Variants in VAV2 observed in about 807,000 individuals in gnomAD.
The protein encoded by VAV2 is vav guanine nucleotide exchange factor 2.
VAV2 carries 67 observed loss-of-function variants against 132.5 expected under a neutral mutation model. The observed-to-expected ratio is 0.51, with a 90% confidence interval of 0.42 to 0.62. VAV2 has a LOEUF of 0.62. VAV2 is among the 20% of genes least tolerant of loss of function. The pLI is 0.00. For synonymous variants in VAV2, 492 were observed against 443.5 expected (o/e 1.11, Z -1.37); for missense variants, 938 against 1,153.6 (o/e 0.81, Z 2.71).
rs142833769 is a variant in VAV2 at position 133,770,405 on chromosome 9, C to T, written c.2320G>A (p.Ala774Thr). The change falls in exon 27 of 30, where the codon GCC becomes ACC. Residue 774 changes from alanine to threonine, a missense_variant. By Grantham distance (58) the Ala-to-Thr change is moderately conservative (BLOSUM62 0). Transcript: ENST00000371850. ...GGGGACCGGCTGGAGGCCCTGGAGGCCGAACGTTCCCGGGACTTGTAGGGG... is the reference window on the plus strand; with the variant it reads ...GGGGACCGGCTGGAGGCCCTGGAGGTCGAACGTTCCCGGGACTTGTAGGGG... ...KYPYKSRERS[A>T]SRASSRSPAS... 6 of 1,613,958 alleles carry T rather than the reference C, an allele frequency of 3.7e-6. No homozygotes were observed. In the African/African-American group the frequency reaches 8.0e-5, roughly 22 times the overall value.
intron 1 of VAV2, among the ~76,000 whole-genome samples, chr9:133,953,986 G>A (rs1029761539): frequency 6.6e-6 from 1 of 151,958 alleles, no homozygotes; most frequent in Non-Finnish European, 1.5e-5. Context: ...CAGGCAGGTG[G>A]CTCCACATGT....
chr9:133,854,468 GC>G (rs1430775820), intron 3 of VAV2, among the ~76,000 whole-genome samples: 1 of 152,262 alleles, frequency 6.6e-6, no homozygotes, highest in Admixed American at 6.5e-5. Context: ...ACCATGCCAG[GC>G]CAGAGAACTG....
At chr9:133,789,443 C>G in intron 13 of VAV2, 100 bp from the exon 14 acceptor site, 1 of 1,122,054 alleles carries the variant, frequency 8.9e-7, no homozygotes, top group Non-Finnish European at 1.3e-6. Context: ...GGGAACTCCC[C>G]ACAGGCAGCA....
chr9:133,766,220 T>C (rs959172819), intron 29 of VAV2, among the ~76,000 whole-genome samples: 1 of 152,198 alleles, frequency 6.6e-6, no homozygotes, highest in Non-Finnish European at 1.5e-5. Context: ...TTTCTAGTTC[T>C]AGATCCCTGA....
rs183261588 is a variant in VAV2 at position 133,938,751 on chromosome 9, G to T, written c.321+352C>A. Among the ~76,000 whole-genome samples, 140 of 152,234 alleles carry T rather than the reference G, an allele frequency of 9.2e-4. 2 individuals carry two copies. The highest frequency in any genetic ancestry group is 3.3e-3 in the African/African-American group (136 of 41,542). On this transcript the variant is annotated intron_variant, in intron 2 of 29. Transcript: ENST00000371850. Reference sequence around the variant, plus strand: ...GACCCATTCTCAGAGGAAGAATCAAGATTCAGGGCAGGAGGTAAATGCTCA... The same window carrying T: ...GACCCATTCTCAGAGGAAGAATCAATATTCAGGGCAGGAGGTAAATGCTCA...
intron 4 of VAV2, among the ~76,000 whole-genome samples, chr9:133,832,878 C>G (rs1306340620): frequency 2.6e-5 from 4 of 152,074 alleles, no homozygotes; most frequent in Admixed American, 2.6e-4. Flanking sequence ...AAGTCTCCCT[C>G]AGATTCCTGA....
Position 133,897,295 on chromosome 9 carries a change from CG to C in VAV2, c.322-35864del, listed in dbSNP as rs528583988. Reference sequence around the variant, plus strand: ...CGCCCAAGTGGCAGAGGCGTCCAGGCGGGTGCCAGCCTCAGCCTCTCACTGG... The same window carrying C: ...CGCCCAAGTGGCAGAGGCGTCCAGGCGGTGCCAGCCTCAGCCTCTCACTGG... On this transcript the variant is annotated intron_variant, in intron 2 of 29. Transcript: ENST00000371850. Among the ~76,000 whole-genome samples, 297 of 152,252 alleles carry C rather than the reference CG, an allele frequency of 2.0e-3. 2 individuals are homozygous for C. Among genetic ancestry groups the C allele is most frequent in the Middle Eastern group, 6.8e-3 (2 of 294 alleles).
At chr9:133,774,491 C>A (rs931734372) in intron 25 of VAV2, among the ~76,000 whole-genome samples, 20 of 152,194 alleles carry the variant, frequency 1.3e-4, no homozygotes, top group Admixed American at 1.2e-3. Flanking sequence ...GATGCCCAGA[C>A]TGTGCCAAAG....
intron 2 of VAV2, among the ~76,000 whole-genome samples, chr9:133,933,248 T>C (rs2519098): frequency 0.81 from 123,691 of 152,302 alleles, 51,620 homozygotes; most frequent in East Asian, 0.93. Context: ...CCAGAGTTTT[T>C]ACTTTCTCAC....
intron 1 of VAV2, among the ~76,000 whole-genome samples, chr9:133,989,519 CAAAA>C (rs766612017): frequency 1.3e-5 from 1 of 75,790 alleles, no homozygotes. Flanking sequence ...GACTCTATCT[CAAAA>C]AAAAAAAAAA....
At chr9:133,911,733 A>C (rs1239844395) in intron 2 of VAV2, among the ~76,000 whole-genome samples, 3 of 152,156 alleles carry the variant, frequency 2.0e-5, no homozygotes, top group Admixed American at 2.0e-4. Context: ...TAAAGACGCC[A>C]TGTCCAAAAG....
chr9:133,954,912 C>G (rs1255243506), intron 1 of VAV2, among the ~76,000 whole-genome samples: 1 of 152,178 alleles, frequency 6.6e-6, no homozygotes, highest in Non-Finnish European at 1.5e-5. Flanking sequence ...GAACTCCAAA[C>G]AGGTGGAGGG....
chr9:133,787,718 G>A (rs1235674904), intron 15 of VAV2, among the ~76,000 whole-genome samples: 1 of 149,004 alleles, frequency 6.7e-6, no homozygotes, highest in African/African-American at 2.5e-5. Context: ...TAGCCCTATA[G>A]CCATGGTCCT....
At position 133,912,760 on chromosome 9, in the gene VAV2, C is replaced by T. The variant is rs1334847870; in HGVS notation, c.321+26343G>A. Among the ~76,000 whole-genome samples, 1 of 152,184 alleles carries T rather than the reference C, an allele frequency of 6.6e-6. No homozygotes were observed. The highest frequency in any genetic ancestry group is 1.5e-5 in the Non-Finnish European group (1 of 68,034). ...TGTGTTCTTTTATTTCTGCACTAAG[C>T]TAATAAGTACTTGTTCAGCCCCTCT... On this transcript the variant is annotated intron_variant, in intron 2 of 29. Coordinates refer to ENST00000371850, the MANE Select transcript of VAV2 (RefSeq NM_001134398.2). This position sits in a 1 kb window ranked among gnomAD's most constrained non-coding sequence, Gnocchi z 4.3.
chr9:133,797,904 T>G, intron 9 of VAV2, 95 bp from the exon 10 acceptor site: 2 of 1,159,424 alleles, frequency 1.7e-6, no homozygotes, highest in Non-Finnish European at 2.4e-6. Context: ...AGGCTGTAGG[T>G]GCGCAACCAA....
At chr9:133,881,437 C>T (rs957486029) in intron 2 of VAV2, among the ~76,000 whole-genome samples, 4 of 152,174 alleles carry the variant, frequency 2.6e-5, no homozygotes, top group Non-Finnish European at 5.9e-5. Flanking sequence ...GAGGGGAGGC[C>T]CTGCATGAAG....
At position 133,769,632 on chromosome 9, in the gene VAV2, G is replaced by A; in HGVS notation, c.2348-129C>T. 3.1e-6 allele frequency: 3 copies of A among 962,444 alleles called. No homozygotes were observed. The highest frequency in any genetic ancestry group is 3.1e-6 in the Non-Finnish European group (2 of 649,170). The allele number at this position is 962,444 out of a possible 1,614,324, so 59.6% of individuals were successfully genotyped here. ...TTGGCAGGAGAGGCCCTACAGGGGGGCAAAGGAGGCAGGGGGCAGCACGGG... is the reference window on the plus strand; with the variant it reads ...TTGGCAGGAGAGGCCCTACAGGGGGACAAAGGAGGCAGGGGGCAGCACGGG... On this transcript the variant is annotated intron_variant, in intron 27 of 29. Coordinates refer to ENST00000371850, the MANE Select transcript of VAV2 (RefSeq NM_001134398.2). This position sits in a 1 kb window ranked among gnomAD's most constrained non-coding sequence, Gnocchi z 8.1.
At chr9:133,923,230 A>G (rs1215352416) in intron 2 of VAV2, among the ~76,000 whole-genome samples, 3 of 152,228 alleles carry the variant, frequency 2.0e-5, no homozygotes, top group Admixed American at 2.0e-4. Context: ...CCCCGCTCAC[A>G]GCTGGTGGTC....
intron 12 of VAV2, among the ~76,000 whole-genome samples, chr9:133,795,337 G>A (rs1274627261): frequency 6.6e-6 from 1 of 152,216 alleles, no homozygotes; most frequent in Non-Finnish European, 1.5e-5. Flanking sequence ...TCAGTGCTGG[G>A]AGTGAGAAGC....
Sources: gnomAD v4.1 joint callset for allele counts (sites outside exome capture counted in the v4.1 genomes callset) on GRCh38, gnomAD v4.1.1 for gene constraint, Gnocchi (gnomAD v3.1) non-coding constraint, MANE v1.5 for transcripts, NCBI Gene and HGNC (gene_info 2026-07-23, HGNC 2026-07-21) for gene names.